CPO: variants seen among roughly 807,000 people sequenced by gnomAD.
The protein encoded by CPO is metallocarboxypeptidase C.
A neutral mutation model predicts 41.2 loss-of-function variants in CPO; 43 were observed. The ratio of observed to expected loss-of-function variants is 1.04; its 90% CI spans 0.82 to 1.35. CPO has a LOEUF of 1.35. CPO is among the 40% of genes most tolerant of loss of function. The pLI is 0.00. For synonymous variants in CPO, 178 were observed against 162.7 expected (o/e 1.09, Z -0.72); for missense variants, 408 against 451.7 (o/e 0.90, Z 0.88).
intron 2 of CPO, among the ~76,000 whole-genome samples, chr2:206,954,577 A>G (rs1693323936): frequency 6.6e-6 from 1 of 152,026 alleles, no homozygotes; most frequent in African/African-American, 2.4e-5. Context: ...GGCCCTTCAA[A>G]CTGTTCCAAC....
intron 3 of CPO, among the ~76,000 whole-genome samples, chr2:206,957,000 A>AACATAATAAAGAGTTGC (rs1488228421): frequency 2.6e-5 from 4 of 152,224 alleles, no homozygotes; most frequent in African/African-American, 9.6e-5. Context: ...AAAAGAATAG[A>AACATAATAAAGAGTTGC]ACATAATAAA....
chr2:206,966,559 C>A (rs765799421), intron 7 of CPO, among the ~76,000 whole-genome samples: 4 of 152,076 alleles, frequency 2.6e-5, no homozygotes, highest in Non-Finnish European at 5.9e-5. Context: ...TCCAGCAGAC[C>A]ATTCTTGTAC....
intron 5 of CPO, 59 bp from the exon 6 acceptor site, chr2:206,960,793 C>A: frequency 8.2e-7 from 1 of 1,222,580 alleles, no homozygotes; most frequent in Non-Finnish European, 1.2e-6. Flanking sequence ...CCTATCATCA[C>A]TAACACTGTG....
intron 1 of CPO, among the ~76,000 whole-genome samples, chr2:206,941,692 C>T (rs1437376672): frequency 1.3e-5 from 2 of 152,050 alleles, no homozygotes; most frequent in African/African-American, 4.8e-5. Flanking sequence ...ATAATGGTCA[C>T]TTTTATGTAA....
At position 206,960,833 on chromosome 2, in the gene CPO, G is replaced by A. The variant is rs750041834; in HGVS notation, c.484-19G>A. ...ATGAAACCTTAGAACAGCAACATCC[G>A]TATGTTCCTCTGCTACAGGATCGTC... On this transcript the variant is annotated intron_variant, in intron 5 of 8. Transcript: ENST00000272852. The A allele has an allele frequency of 2.1e-5, 32 of 1,551,424 alleles. No individual in the cohort carries two copies. Among genetic ancestry groups the A allele is most frequent in the Admixed American group, 8.3e-5 (5 of 59,904 alleles).
intron 1 of CPO, among the ~76,000 whole-genome samples, chr2:206,942,913 G>A (rs890066685): frequency 2.6e-5 from 4 of 152,044 alleles, no homozygotes; most frequent in Non-Finnish European, 4.4e-5. Context: ...TTTAATATCG[G>A]GGCTTTCACT....
At chr2:206,956,505 C>T (rs1192086958) in intron 3 of CPO, among the ~76,000 whole-genome samples, 6 of 152,274 alleles carry the variant, frequency 3.9e-5, no homozygotes, top group African/African-American at 7.2e-5. Flanking sequence ...GTCAGAAACT[C>T]GGAGGCTGGA....
chr2:206,941,975 G>A (rs1693037637), intron 1 of CPO, among the ~76,000 whole-genome samples: 1 of 151,874 alleles, frequency 6.6e-6, no homozygotes, highest in African/African-American at 2.4e-5. Flanking sequence ...CTGGAACGTA[G>A]CTCAAGGAAA....
At chr2:206,954,126 A>G (rs1693315922) in intron 2 of CPO, among the ~76,000 whole-genome samples, 1 of 152,140 alleles carries the variant, frequency 6.6e-6, no homozygotes, top group South Asian at 2.1e-4. Flanking sequence ...CATGCCCTGG[A>G]GACATTTTCC....
rs1574344218 is a variant in CPO, at chr2:206,942,751, C to A, written c.68+3084C>A. Among the ~76,000 whole-genome samples, 2 of 152,248 alleles carry A rather than the reference C, an allele frequency of 1.3e-5. 1 individual carries two copies. Among genetic ancestry groups the A allele is most frequent in the African/African-American group, 4.8e-5 (2 of 41,564 alleles). ...AGATTAGCCAGCTTTTTCCTCCCCT[C>A]TCTACATGTTTTATGCATCACCCAA... On this transcript the variant is annotated intron_variant, in intron 1 of 8. Coordinates refer to ENST00000272852, the MANE Select transcript of CPO (RefSeq NM_173077.3).
chr2:206,944,065 T>C (rs1050846120), intron 1 of CPO, among the ~76,000 whole-genome samples: 11 of 152,086 alleles, frequency 7.2e-5, no homozygotes, highest in African/African-American at 2.4e-4. Context: ...AAGAAATAAA[T>C]CTTCTTTTCA....
chr2:206,967,354 T>TATATAGATATAGATATAG (rs778426015), intron 7 of CPO, among the ~76,000 whole-genome samples: 10 of 111,116 alleles, frequency 9.0e-5, no homozygotes, highest in African/African-American at 3.2e-4. Flanking sequence ...TATATATAGA[T>TATATAGATATAGATATAG]ATATAGATAT....
chr2:206,949,771 C>T, intron 2 of CPO, 58 bp downstream of exon 2: 1 of 1,084,074 alleles, frequency 9.2e-7, no homozygotes, highest in Non-Finnish European at 1.4e-6. Flanking sequence ...TTAGGATGGG[C>T]AAAGAATGGT....
intron 3 of CPO, among the ~76,000 whole-genome samples, chr2:206,955,948 A>C (rs895694082): frequency 6.6e-6 from 1 of 152,170 alleles, no homozygotes; most frequent in African/African-American, 2.4e-5. Context: ...AAAAAGAAAA[A>C]TGTTTAAAAA....
In CPO at chr2:206,939,588, C is replaced by T. The variant is rs1692991529; in HGVS notation, c.-12C>T. The T allele has an allele frequency of 6.2e-7, 1 of 1,609,798 alleles. No homozygotes were observed. Among genetic ancestry groups the T allele is most frequent in the Non-Finnish European group, 8.5e-7 (1 of 1,176,842 alleles). Reference sequence around the variant, plus strand: ...GAGAGGCCCAGAATTTTCTAACTTACTGTGTGGCAGAATGAAGCCTCTGCT... The same window carrying T: ...GAGAGGCCCAGAATTTTCTAACTTATTGTGTGGCAGAATGAAGCCTCTGCT... On this transcript the variant is annotated 5_prime_UTR_variant, in exon 1 of 9. Transcript: ENST00000272852.
chr2:206,967,659 G>A (rs1693611649), intron 7 of CPO, among the ~76,000 whole-genome samples: 1 of 152,298 alleles, frequency 6.6e-6, no homozygotes, highest in Admixed American at 6.5e-5. Flanking sequence ...GTAGGAAAAT[G>A]AGTTTTTGAC....
At chr2:206,968,494 G>A in intron 8 of CPO, 147 bp downstream of exon 8, 2 of 638,640 alleles carry the variant, frequency 3.1e-6, no homozygotes, top group South Asian at 1.9e-5. Context: ...AGGATAAAAG[G>A]GAGTCTGTAC....
At chr2:206,956,513 G>A (rs1040074518) in intron 3 of CPO, among the ~76,000 whole-genome samples, 3 of 152,120 alleles carry the variant, frequency 2.0e-5, no homozygotes, top group African/African-American at 7.2e-5. Context: ...CTCGGAGGCT[G>A]GAGCCCAACA....
chr2:206,950,461 C>A lies in CPO; in HGVS notation c.165+748C>A, dbSNP rs71455822. On this transcript the variant is annotated intron_variant, in intron 2 of 8. Transcript: ENST00000272852. ...TGGAGAGGATGTGGAGAAATAGGAA[C>A]GCTTTTACACTGTTGGTAGGAGTGT... Among the ~76,000 whole-genome samples, 817 of 152,204 alleles carry A rather than the reference C, an allele frequency of 5.4e-3. 12 individuals are homozygous for A. The highest frequency in any genetic ancestry group is 0.018 in the African/African-American group (749 of 41,524).
Sources: allele counts gnomAD v4.1 joint callset (sites outside exome capture counted in the v4.1 genomes callset), GRCh38; gene constraint gnomAD v4.1.1; transcripts MANE v1.5; gene names NCBI Gene and HGNC (gene_info 2026-07-23, HGNC 2026-07-21).